SYT16: variants seen among roughly 807,000 people sequenced by gnomAD.
The protein encoded by SYT16 is synaptotagmin 16.
A neutral mutation model predicts 61.4 loss-of-function variants in SYT16; 42 were observed. The ratio of observed to expected loss-of-function variants is 0.68; its 90% confidence interval spans 0.53 to 0.89. SYT16 has a LOEUF of 0.89. Ranked by LOEUF, SYT16 falls within the 40% of genes least tolerant of loss-of-function variation. The pLI, the probability that SYT16 is intolerant of heterozygous loss-of-function variation, is 0.00. For missense variants in SYT16, 804 were observed against 807.3 expected, an observed-to-expected ratio of 1.00 and a Z score of 0.05; for synonymous variants, 314 against 302.3, an observed-to-expected ratio of 1.04 and a Z score of -0.40.
chr14:62,029,411 C>T (rs1327933754), intron 3 of SYT16, among the ~76,000 whole-genome samples: 5 of 152,176 alleles, frequency 3.3e-5, no homozygotes, highest in African/African-American at 9.7e-5. Flanking sequence ...GAATAGGCGT[C>T]GGGCTTTTCC....
intron 2 of SYT16, among the ~76,000 whole-genome samples, chr14:61,972,009 A>G (rs192836761): frequency 6.6e-6 from 1 of 152,102 alleles, no homozygotes; most frequent in Non-Finnish European, 1.5e-5. Context: ...GCTGGCTGTC[A>G]CTCGTTATGT....
At chr14:62,028,742 T>C (rs2054195278) in intron 3 of SYT16, among the ~76,000 whole-genome samples, 1 of 152,172 alleles carries the variant, frequency 6.6e-6, no homozygotes, top group Non-Finnish European at 1.5e-5. Context: ...ATTGTACAAC[T>C]AGTGCTGAAA....
intron 1 of SYT16, among the ~76,000 whole-genome samples, chr14:61,895,078 A>G (rs1012116661): frequency 1.3e-5 from 2 of 152,150 alleles, no homozygotes; most frequent in Admixed American, 1.3e-4. Flanking sequence ...CGGGGGCTCT[A>G]GAAACCTCAT....
chr14:61,966,849 TG>T (rs1356573096), intron 1 of SYT16, among the ~76,000 whole-genome samples: 1 of 152,216 alleles, frequency 6.6e-6, no homozygotes, highest in Non-Finnish European at 1.5e-5. Flanking sequence ...GAGTTTTCAC[TG>T]ACAGGCACAT....
intron 3 of SYT16, among the ~76,000 whole-genome samples, chr14:62,039,356 G>A (rs1201187453): frequency 6.6e-6 from 1 of 152,108 alleles, no homozygotes; most frequent in Non-Finnish European, 1.5e-5. Context: ...AATGATATTT[G>A]GGGCTATGAT....
At chr14:61,841,270 G>A (rs1389336519) in intron 1 of SYT16, among the ~76,000 whole-genome samples, 4 of 152,156 alleles carry the variant, frequency 2.6e-5, no homozygotes, top group Non-Finnish European at 5.9e-5. Context: ...TTCATTCTTA[G>A]CAGACATTGT....
At chr14:61,888,793 A>G (rs571042742) in intron 1 of SYT16, among the ~76,000 whole-genome samples, 35 of 150,924 alleles carry the variant, frequency 2.3e-4, no homozygotes, top group Non-Finnish European at 4.4e-4. Context: ...AAAAAGCAAT[A>G]TCTGTGAAGT....
Position 62,102,932 on chromosome 14 carries a change from GT to G in SYT16, c.*2228del. On this transcript the variant is annotated 3_prime_UTR_variant, in exon 8 of 8. Coordinates refer to ENST00000683842, the MANE Select transcript of SYT16 (RefSeq NM_001367656.1). ...CTTCCAATGGTCTGTTTATGATACA[GT>G]TTACAGGAATGCGCACCATTTTAAG... 6.6e-6 allele frequency: 1 copy of G among 152,214 alleles called. No homozygotes were observed. The highest frequency in any genetic ancestry group is 6.5e-5 in the Admixed American group (1 of 15,290). The allele number at this position is 152,214 out of a possible 1,614,324, so 9.4% of individuals were successfully genotyped here.
chr14:61,986,600 C>T (rs556090474), intron 2 of SYT16, among the ~76,000 whole-genome samples: 4 of 152,134 alleles, frequency 2.6e-5, no homozygotes, highest in African/African-American at 9.6e-5. Context: ...ATTCCTGCCT[C>T]CTCCCCCCAC....
intron 1 of SYT16, among the ~76,000 whole-genome samples, chr14:61,820,559 G>A (rs928432335): frequency 7.9e-6 from 1 of 125,796 alleles, no homozygotes; most frequent in Non-Finnish European, 1.6e-5. Context: ...TCGGCTCACT[G>A]CAACCTCCGC....
intron 1 of SYT16, among the ~76,000 whole-genome samples, chr14:61,916,878 C>T (rs1321012026): frequency 1.3e-5 from 2 of 152,128 alleles, no homozygotes. Flanking sequence ...TCACTTAAGA[C>T]AGTGACCTCC....
At position 62,111,182 on chromosome 14, in the gene SYT16, T is replaced by A. The variant is rs1293184813; in HGVS notation, c.*10475T>A. The A allele has an allele frequency of 6.6e-6, 1 of 152,090 alleles. No homozygotes were observed. The highest frequency in any genetic ancestry group is 2.4e-5 in the African/African-American group (1 of 41,446). The allele number at this position is 152,090 out of a possible 1,614,324, so 9.4% of individuals were successfully genotyped here. On this transcript the variant is annotated 3_prime_UTR_variant, in exon 8 of 8. Transcript: ENST00000683842. Reference sequence around the variant, plus strand: ...CATATGCATACTGTGTACAGCTCTGTTGTTCTAAAATATTTTATTGGTTTT... The same window carrying A: ...CATATGCATACTGTGTACAGCTCTGATGTTCTAAAATATTTTATTGGTTTT...
chr14:61,979,843 C>T (rs1186693167), intron 2 of SYT16, among the ~76,000 whole-genome samples: 2 of 152,098 alleles, frequency 1.3e-5, no homozygotes, highest in Non-Finnish European at 2.9e-5. Context: ...GATTGTGCCA[C>T]TGCACTCCAG....
intron 1 of SYT16, among the ~76,000 whole-genome samples, chr14:61,922,325 A>G (rs981997640): frequency 1.4e-4 from 22 of 152,240 alleles, no homozygotes; most frequent in Admixed American, 1.4e-3. Flanking sequence ...AATGTGGTCC[A>G]TATACATCAT....
intron 3 of SYT16, among the ~76,000 whole-genome samples, chr14:62,021,046 A>G (rs576691497): frequency 6.6e-6 from 1 of 152,074 alleles, no homozygotes; most frequent in South Asian, 2.1e-4. Context: ...TTTCTTCTTA[A>G]TTCCTCTCCT....
At chr14:62,090,317 C>T (rs1327674442) in intron 7 of SYT16, among the ~76,000 whole-genome samples, 3 of 152,196 alleles carry the variant, frequency 2.0e-5, no homozygotes, top group Admixed American at 6.5e-5. Flanking sequence ...AATTACACCC[C>T]AAATGATAAT....
At chr14:62,094,579 C>T (rs2057201770) in intron 7 of SYT16, among the ~76,000 whole-genome samples, 1 of 151,952 alleles carries the variant, frequency 6.6e-6, no homozygotes, top group Non-Finnish European at 1.5e-5. Flanking sequence ...TACCTGATAC[C>T]CAACTTCTAG....
intron 1 of SYT16, among the ~76,000 whole-genome samples, chr14:61,923,627 G>T (rs1436487975): frequency 6.6e-6 from 1 of 152,088 alleles, no homozygotes; most frequent in Non-Finnish European, 1.5e-5. Context: ...GTAATATCTG[G>T]AGAGAAACTT....
chr14:62,072,488 G>A (rs1008337495), intron 4 of SYT16, among the ~76,000 whole-genome samples: 5 of 152,166 alleles, frequency 3.3e-5, no homozygotes, highest in Non-Finnish European at 5.9e-5. Flanking sequence ...TGCGGTACAG[G>A]TTGTTGGGAA....
Sources: gnomAD v4.1 joint callset for allele counts (sites outside exome capture counted in the v4.1 genomes callset) on GRCh38, gnomAD v4.1.1 for gene constraint, MANE v1.5 for transcripts, NCBI Gene and HGNC (gene_info 2026-07-23, HGNC 2026-07-21) for gene names.